SLC16A7: variants seen among roughly 807,000 people sequenced by gnomAD.
The protein encoded by SLC16A7 is monocarboxylate transporter 2.
SLC16A7 carries 33 observed loss-of-function variants against 34.9 expected under a neutral mutation model. The ratio of observed to expected loss-of-function variants is 0.94; its 90% confidence interval spans 0.72 to 1.26. The LOEUF (loss-of-function observed/expected upper bound fraction) is 1.26. SLC16A7 is among the 50% of genes most tolerant of loss of function. The probability of loss-of-function intolerance (pLI) is 0.00; values close to 1 mark genes in which losing one functional copy is unlikely to be tolerated. For missense variants in SLC16A7, 573 were observed against 578.1 expected (o/e 0.99, Z 0.09); for synonymous variants, 201 against 206.6 (o/e 0.97, Z 0.23).
At chr12:59,625,954 T>C (rs920473962) in intron 1 of SLC16A7, among the ~76,000 whole-genome samples, 4 of 151,850 alleles carry the variant, frequency 2.6e-5, no homozygotes, top group African/African-American at 9.7e-5. Flanking sequence ...AGCAGATTTT[T>C]TCCAAAAAGT....
chr12:59,760,585 C>T (rs916465500), intron 3 of SLC16A7, among the ~76,000 whole-genome samples: 3 of 152,024 alleles, frequency 2.0e-5, no homozygotes, highest in African/African-American at 7.2e-5. Context: ...AATGTGGTTT[C>T]TTATTCTCAA....
In SLC16A7 at chr12:59,783,280, A is replaced by G. The variant is rs551951181; in HGVS notation, c.*3601A>G. On this transcript the variant is annotated 3_prime_UTR_variant, in exon 6 of 6. Coordinates refer to ENST00000547379, the MANE Select transcript of SLC16A7 (RefSeq NM_001270623.2). ...TAGTGGAAAGGGAACTAATATTTAT[A>G]TGTTATGCATTTTGCTTATGTAATG... 1 of 152,202 alleles carries G rather than the reference A, an allele frequency of 6.6e-6. No individual in the cohort carries two copies. Among genetic ancestry groups the G allele is most frequent in the Non-Finnish European group, 1.5e-5 (1 of 68,032 alleles). 9.4% of individuals were successfully genotyped at this position (152,202 alleles called of 1,614,324 possible). A position where few individuals can be genotyped will look rare whatever the true frequency, so the allele number is the denominator to read the frequency against.
intron 2 of SLC16A7, among the ~76,000 whole-genome samples, chr12:59,684,719 G>C (rs534727829): frequency 2.6e-5 from 4 of 152,168 alleles, no homozygotes; most frequent in Admixed American, 6.5e-5. Flanking sequence ...CAGATACCCA[G>C]ATATAGGAGG....
At chr12:59,740,192 T>A (rs1282072766) in intron 3 of SLC16A7, among the ~76,000 whole-genome samples, 49 of 151,738 alleles carry the variant, frequency 3.2e-4, no homozygotes, top group Non-Finnish European at 4.9e-4. Flanking sequence ...AACGTTTAAG[T>A]CTTTAATCCA....
At chr12:59,612,951 T>A (rs1879268747) in intron 1 of SLC16A7, among the ~76,000 whole-genome samples, 2 of 152,224 alleles carry the variant, frequency 1.3e-5, no homozygotes, top group Admixed American at 1.3e-4. Context: ...CCCTCCAAAC[T>A]GTTCCAACCT....
intron 2 of SLC16A7, among the ~76,000 whole-genome samples, chr12:59,700,489 G>A (rs148319054): frequency 0.018 from 2,626 of 148,492 alleles, 79 homozygotes; most frequent in African/African-American, 0.061. Context: ...ATTAATAATT[G>A]TATTAAATAA....
intron 2 of SLC16A7, among the ~76,000 whole-genome samples, chr12:59,675,002 C>G (rs1384043728): frequency 6.6e-6 from 1 of 152,156 alleles, no homozygotes; most frequent in Admixed American, 6.5e-5. Context: ...CTCAGGTCAT[C>G]TTACCCATAA....
At chr12:59,777,384 G>A (rs1882864608) in intron 5 of SLC16A7, among the ~76,000 whole-genome samples, 1 of 152,050 alleles carries the variant, frequency 6.6e-6, no homozygotes, top group Non-Finnish European at 1.5e-5. Flanking sequence ...AGTAGGCACT[G>A]AGTTAATATT....
intron 3 of SLC16A7, among the ~76,000 whole-genome samples, chr12:59,746,025 G>A (rs945209570): frequency 6.6e-6 from 1 of 152,160 alleles, no homozygotes; most frequent in African/African-American, 2.4e-5. Flanking sequence ...TTATTCTGGA[G>A]CTAATAGTCA....
At chr12:59,761,032 A>G (rs1019869914) in intron 3 of SLC16A7, 6 of 451,034 alleles carry the variant, frequency 1.3e-5, no homozygotes, top group African/African-American at 2.1e-5. Context: ...TTAAACAACT[A>G]GTCTTCAAAT....
chr12:59,671,642 T>C (rs1011450053), intron 2 of SLC16A7, among the ~76,000 whole-genome samples: 2 of 150,570 alleles, frequency 1.3e-5, no homozygotes, highest in Non-Finnish European at 3.0e-5. Context: ...CTGTGTCCCT[T>C]TGACTACAGT....
intron 1 of SLC16A7, among the ~76,000 whole-genome samples, chr12:59,651,816 C>A (rs1394628784): frequency 1.3e-5 from 2 of 152,018 alleles, no homozygotes; most frequent in African/African-American, 4.8e-5. Flanking sequence ...CTAGTTGTTT[C>A]CAAACAAACA....
chr12:59,774,862 T>A lies in SLC16A7; in HGVS notation c.567T>A (p.Cys189Ter). 1 of 1,613,978 alleles carries A rather than the reference T, an allele frequency of 6.2e-7. No individual in the cohort carries two copies. Among genetic ancestry groups the A allele is most frequent in the Non-Finnish European group, 8.5e-7 (1 of 1,179,950 alleles). Residue 189 changes from cysteine (C) to a stop codon, truncating the protein, a stop_gained, in exon 5 of 6, where the codon TGT (cysteine) becomes TGA (stop). Transcript: ENST00000547379. LOFTEE classifies it high-confidence loss of function. Reference protein sequence around the residue: ...LILGSLLLNACVAGSLMRPLG... With the variant: ...LILGSLLLNA ...TGGGAAGTCTACTTTTGAATGCCTG[T>A]GTGGCTGGTTCCCTCATGAGACCCC...
chr12:59,681,449 A>ATT lies in SLC16A7; in HGVS notation c.-30-23313_-30-23312dup, dbSNP rs5798505. 4.7e-3 allele frequency among the ~76,000 whole-genome samples: 706 copies of ATT among 149,180 alleles called. 11 individuals carry two copies. The highest frequency in any genetic ancestry group is 0.017 in the African/African-American group (693 of 40,772). On this transcript the variant is annotated intron_variant, in intron 2 of 5. Coordinates refer to ENST00000547379, the MANE Select transcript of SLC16A7 (RefSeq NM_001270623.2). ...AGTCCCAGCTTTACCTGTGCCAGCA[A>ATT]TTTTTTTTTTTATCTAGATACTTCT...
chr12:59,615,913 C>T (rs537872821), intron 1 of SLC16A7, among the ~76,000 whole-genome samples: 2 of 152,330 alleles, frequency 1.3e-5, no homozygotes, highest in African/African-American at 4.8e-5. Flanking sequence ...CTGGTTCCTG[C>T]TCCATCACTT....
intron 2 of SLC16A7, among the ~76,000 whole-genome samples, chr12:59,664,138 T>C (rs1236248039): frequency 6.6e-6 from 1 of 152,134 alleles, no homozygotes; most frequent in East Asian, 1.9e-4. Context: ...TGAGCTTCAG[T>C]GTCCCCATAG....
chr12:59,597,272 A>ACAC lies in SLC16A7; in HGVS notation c.-130+1036_-130+1037insCAC, dbSNP rs1878465440. ...ACACACACACACACACACACACACG[A>ACAC]GACATAGAAGAGGAAACGAGGAGTG... On this transcript the variant is annotated intron_variant, in intron 1 of 5. Coordinates refer to ENST00000547379, the MANE Select transcript of SLC16A7 (RefSeq NM_001270623.2). The ACAC allele has an allele frequency of 3.5e-5, 5 of 144,062 alleles. No homozygotes were observed. In the South Asian group the frequency reaches 6.7e-4, roughly 19 times the overall value. 8.9% of individuals were successfully genotyped at this position (144,062 alleles called of 1,614,324 possible).
intron 3 of SLC16A7, among the ~76,000 whole-genome samples, chr12:59,721,160 G>T (rs1875536435): frequency 6.6e-6 from 1 of 151,910 alleles, no homozygotes; most frequent in East Asian, 1.9e-4. Context: ...CGCTATATGA[G>T]ATGATTATTT....
chr12:59,664,243 G>C (rs2137033710), intron 2 of SLC16A7, among the ~76,000 whole-genome samples: 1 of 152,174 alleles, frequency 6.6e-6, no homozygotes. Context: ...AATATGAGAA[G>C]CATTTAATAA....
Sources: gnomAD v4.1 joint callset for allele counts (sites outside exome capture counted in the v4.1 genomes callset) on GRCh38, gnomAD v4.1.1 for gene constraint, MANE v1.5 for transcripts, NCBI Gene and HGNC (gene_info 2026-07-23, HGNC 2026-07-21) for gene names.